Variants in FAF1 observed in about 807,000 individuals in gnomAD.
FAF1 encodes the protein Fas associated factor 1, also known as FAS-associated factor 1.
Under a neutral mutation model 92.5 loss-of-function variants are expected in FAF1, and 25 were observed. That is an observed-to-expected ratio of 0.27 (90% CI 0.20 to 0.38). The LOEUF (loss-of-function observed/expected upper bound fraction) is 0.38. Among genes scored for constraint, FAF1 ranks in the 10% least tolerant of loss-of-function variants. The pLI is 1.00. For synonymous variants in FAF1, 234 were observed against 273.2 expected (o/e 0.86, Z 1.42); for missense variants, 636 against 793.3 (o/e 0.80, Z 2.38).
At chr1:50,693,828 A>G (rs1488277683) in intron 7 of FAF1, among the ~76,000 whole-genome samples, 1 of 152,078 alleles carries the variant, frequency 6.6e-6, no homozygotes, top group Non-Finnish European at 1.5e-5. Context: ...ACACACCCAC[A>G]TAAATGGTTC....
At chr1:50,929,369 A>T (rs1200683628) in intron 1 of FAF1, among the ~76,000 whole-genome samples, 1 of 152,198 alleles carries the variant, frequency 6.6e-6, no homozygotes, top group Non-Finnish European at 1.5e-5. Flanking sequence ...GGATAGTTTT[A>T]AAAAATGATA....
intron 1 of FAF1, among the ~76,000 whole-genome samples, chr1:50,871,469 G>A (rs1644527774): frequency 6.6e-6 from 1 of 152,210 alleles, no homozygotes; most frequent in Non-Finnish European, 1.5e-5. Flanking sequence ...AATGCAGATG[G>A]TGACTTTCAA....
At position 50,960,211 on chromosome 1, in the gene FAF1, C is replaced by G; in HGVS notation, c.-400G>C. The G allele has an allele frequency of 3.0e-6, 1 of 329,392 alleles. No individual in the cohort carries two copies. The highest frequency in any genetic ancestry group is 4.2e-5 in the East Asian group (1 of 23,640). The allele number at this position is 329,392 out of a possible 1,614,324, so 20.4% of individuals were successfully genotyped here. On this transcript the variant is annotated 5_prime_UTR_variant, in exon 1 of 19. Coordinates refer to ENST00000396153, the MANE Select transcript of FAF1 (RefSeq NM_007051.3). ...GAGCGAGCGAGCGGGCGGGCGAACGCCGCGGCCGCCTCCGCCTCCTCCGCT... is the reference window on the plus strand; with the variant it reads ...GAGCGAGCGAGCGGGCGGGCGAACGGCGCGGCCGCCTCCGCCTCCTCCGCT...
chr1:50,691,621 C>A lies in FAF1; in HGVS notation c.657+14165G>T, dbSNP rs1656928032. ...TTTTTCTTTTTTTGAGACAGAGTTT[C>A]TCTCTTGTTGCCCAGGCTGGAGTGC... On this transcript the variant is annotated intron_variant, in intron 7 of 18. Transcript: ENST00000396153. Among the ~76,000 whole-genome samples the A allele has an allele frequency of 2.7e-5, 4 of 150,242 alleles. No homozygotes were observed. In the South Asian group the frequency reaches 8.5e-4, roughly 32 times the overall value.
At chr1:50,813,282 T>G (rs928086473) in intron 2 of FAF1, among the ~76,000 whole-genome samples, 1 of 152,112 alleles carries the variant, frequency 6.6e-6, no homozygotes, top group Non-Finnish European at 1.5e-5. Flanking sequence ...ATTATTAAAC[T>G]TATACATACT....
chr1:50,849,890 G>T (rs928379815), intron 2 of FAF1, among the ~76,000 whole-genome samples: 2 of 152,102 alleles, frequency 1.3e-5, no homozygotes, highest in Non-Finnish European at 2.9e-5. Context: ...GAATCAAAGT[G>T]TACATTTATC....
intron 4 of FAF1, among the ~76,000 whole-genome samples, chr1:50,749,319 T>C (rs940689076): frequency 3.9e-5 from 6 of 152,162 alleles, no homozygotes; most frequent in African/African-American, 1.4e-4. Context: ...TGAGCCCTCA[T>C]GACTTAAAAG....
At chr1:50,952,152 T>C (rs1245089311) in intron 1 of FAF1, among the ~76,000 whole-genome samples, 1 of 152,238 alleles carries the variant, frequency 6.6e-6, no homozygotes, top group Admixed American at 6.5e-5. Flanking sequence ...CTCCCTCTGA[T>C]GCCCAGCCGA....
chr1:50,942,785 C>T (rs1193727118), intron 1 of FAF1, among the ~76,000 whole-genome samples: 5 of 150,734 alleles, frequency 3.3e-5, no homozygotes, highest in African/African-American at 4.9e-5. Flanking sequence ...AATTTTTACA[C>T]CAATTCCCAA....
intron 6 of FAF1, among the ~76,000 whole-genome samples, chr1:50,730,429 A>C (rs1658869332): frequency 6.6e-6 from 1 of 152,096 alleles, no homozygotes; most frequent in Non-Finnish European, 1.5e-5. Context: ...CTTTTCAAGT[A>C]AATAGTTCTT....
intron 7 of FAF1, among the ~76,000 whole-genome samples, chr1:50,661,876 A>C (rs1655393605): frequency 6.6e-6 from 1 of 152,184 alleles, no homozygotes; most frequent in Non-Finnish European, 1.5e-5. Flanking sequence ...TGTTTTTAAA[A>C]GTATTGTATA....
At chr1:50,611,200 T>C (rs777262216) in intron 8 of FAF1, among the ~76,000 whole-genome samples, 1 of 152,230 alleles carries the variant, frequency 6.6e-6, no homozygotes, top group Non-Finnish European at 1.5e-5. Context: ...AATAATGAAA[T>C]TTCCAGTTAA....
intron 7 of FAF1, among the ~76,000 whole-genome samples, chr1:50,693,888 G>C (rs1350599609): frequency 6.6e-6 from 1 of 151,464 alleles, no homozygotes; most frequent in African/African-American, 2.4e-5. Flanking sequence ...CCAAATTTTA[G>C]AGTCAATATT....
At chr1:50,547,370 T>C (rs1314964445) in intron 13 of FAF1, among the ~76,000 whole-genome samples, 1 of 152,152 alleles carries the variant, frequency 6.6e-6, no homozygotes, top group Non-Finnish European at 1.5e-5. Flanking sequence ...AGTAAACTGT[T>C]AAATTATCTC....
At chr1:50,774,428 A>G in intron 4 of FAF1, among the ~76,000 whole-genome samples, 1 of 152,168 alleles carries the variant, frequency 6.6e-6, no homozygotes, top group East Asian at 1.9e-4. Flanking sequence ...TCAGGACAAA[A>G]CCTGGTTTGA....
At chr1:50,676,276 A>C (rs1432093699) in intron 7 of FAF1, among the ~76,000 whole-genome samples, 1 of 152,032 alleles carries the variant, frequency 6.6e-6, no homozygotes, top group African/African-American at 2.4e-5. Context: ...GTGTGGTGGC[A>C]GGCAGCTGTA....
Position 50,499,870 on chromosome 1 carries a change from T to C in FAF1, c.1495-8069A>G, listed in dbSNP as rs1646961540. Among the ~76,000 whole-genome samples, 4 of 152,280 alleles carry C rather than the reference T, an allele frequency of 2.6e-5. No homozygotes were observed. In the South Asian group the frequency reaches 8.3e-4, roughly 32 times the overall value. On this transcript the variant is annotated intron_variant, in intron 15 of 18. Transcript: ENST00000396153. ...ATTTGGACCAGCCTATATTTCTATA[T>C]ACTGGCAACAAATACTCAGAACTTA...
chr1:50,479,462 T>C (rs892374246), intron 17 of FAF1, among the ~76,000 whole-genome samples: 4 of 152,228 alleles, frequency 2.6e-5, no homozygotes, highest in Non-Finnish European at 5.9e-5. Flanking sequence ...GTGCTGAGCA[T>C]TGATCCTCAT....
At chr1:50,509,230 AAG>A (rs1054922134) in intron 15 of FAF1, among the ~76,000 whole-genome samples, 5 of 152,196 alleles carry the variant, frequency 3.3e-5, no homozygotes, top group African/African-American at 1.2e-4. Context: ...TGTAGTGAAA[AAG>A]AGAGAGAGAA....
Sources: gnomAD v4.1 joint callset for allele counts (sites outside exome capture counted in the v4.1 genomes callset) on GRCh38, gnomAD v4.1.1 for gene constraint, MANE v1.5 for transcripts, NCBI Gene and HGNC (gene_info 2026-07-23, HGNC 2026-07-21) for gene names.